The following KCNQ3 variants were observed in gnomAD, a reference collection of about 807,000 sequenced individuals.
KCNQ3 encodes the protein potassium voltage-gated channel subfamily KQT member 3.
KCNQ3 carries 30 observed loss-of-function variants against 92.5 expected under a neutral mutation model. The ratio of observed to expected loss-of-function variants is 0.32; its 90% CI spans 0.24 to 0.44. The LOEUF (loss-of-function observed/expected upper bound fraction) is 0.44, where lower values mean the gene tolerates loss of function less well. Among genes scored for constraint, KCNQ3 ranks in the 20% least tolerant of loss-of-function variants. The probability of loss-of-function intolerance (pLI) is 1.00; values close to 1 mark genes in which losing one functional copy is unlikely to be tolerated. For missense variants in KCNQ3, 913 were observed against 1,140.3 expected (o/e 0.80, Z 2.87); for synonymous variants, 450 against 468.8 (o/e 0.96, Z 0.52).
At chr8:132,190,958 G>A (rs1827136914) in intron 1 of KCNQ3, among the ~76,000 whole-genome samples, 1 of 152,160 alleles carries the variant, frequency 6.6e-6, no homozygotes, top group African/African-American at 2.4e-5. Context: ...GTATCTCAGT[G>A]AATAGCTCAA....
chr8:132,202,999 T>C (rs1225825968), intron 1 of KCNQ3, among the ~76,000 whole-genome samples: 1 of 152,156 alleles, frequency 6.6e-6, no homozygotes, highest in African/African-American at 2.4e-5. Flanking sequence ...TTTCTCAGAG[T>C]TCTGGAGGCT....
intron 1 of KCNQ3, chr8:132,187,127 A>G (rs1229246609): frequency 2.2e-6 from 1 of 455,436 alleles, no homozygotes; most frequent in African/African-American, 2.0e-5. Context: ...TTATGGGTGA[A>G]GCTTGGTAGT....
Position 132,436,128 on chromosome 8 carries a change from A to G in KCNQ3, c.386+44019T>C, listed in dbSNP as rs148841453. On this transcript the variant is annotated intron_variant, in intron 1 of 14. Transcript: ENST00000388996. Reference sequence around the variant, plus strand: ...ATGTAATATGCACTCTGTTGACATAATGCCAGATAAAACAACCTTTTTTGA... The same window carrying G: ...ATGTAATATGCACTCTGTTGACATAGTGCCAGATAAAACAACCTTTTTTGA... Among the ~76,000 whole-genome samples, 712 of 152,348 alleles carry G rather than the reference A, an allele frequency of 4.7e-3. 3 individuals are homozygous for G. Among genetic ancestry groups the G allele is most frequent in the Middle Eastern group, 0.034 (10 of 294 alleles).
At chr8:132,266,841 T>C (rs1412602729) in intron 1 of KCNQ3, among the ~76,000 whole-genome samples, 1 of 152,194 alleles carries the variant, frequency 6.6e-6, no homozygotes, top group Admixed American at 6.5e-5. Context: ...ACTTCTGTTC[T>C]AGGGCATGGC....
intron 1 of KCNQ3, among the ~76,000 whole-genome samples, chr8:132,368,658 A>C (rs948916152): frequency 2.0e-5 from 3 of 152,064 alleles, no homozygotes; most frequent in Non-Finnish European, 4.4e-5. Flanking sequence ...GTCTCAAAAA[A>C]AAAGAAAAGA....
intron 1 of KCNQ3, among the ~76,000 whole-genome samples, chr8:132,465,945 A>G (rs1822163267): frequency 6.6e-6 from 1 of 152,080 alleles, no homozygotes; most frequent in African/African-American, 2.4e-5. Context: ...AAAACAAACG[A>G]CAGGAATAAA....
intron 1 of KCNQ3, among the ~76,000 whole-genome samples, chr8:132,328,204 T>C (rs1452817705): frequency 6.6e-6 from 1 of 152,018 alleles, no homozygotes; most frequent in Admixed American, 6.5e-5. Context: ...GGGCTTCCCA[T>C]CAGCTGGCCC....
chr8:132,385,609 C>A (rs922587676), intron 1 of KCNQ3, among the ~76,000 whole-genome samples: 2 of 152,172 alleles, frequency 1.3e-5, no homozygotes, highest in Non-Finnish European at 2.9e-5. Context: ...CTCTCCTCCC[C>A]TGCTCTTCCC....
chr8:132,374,001 G>A (rs76973201), intron 1 of KCNQ3, among the ~76,000 whole-genome samples: 1,607 of 152,176 alleles, frequency 0.011, 29 homozygotes, highest in African/African-American at 0.036. Context: ...ATGTTCTCCC[G>A]GGTGCCATCA....
At chr8:132,265,774 C>T (rs757303901) in intron 1 of KCNQ3, among the ~76,000 whole-genome samples, 22 of 152,220 alleles carry the variant, frequency 1.4e-4, no homozygotes, top group Non-Finnish European at 2.6e-4. Flanking sequence ...GTCAATCTGT[C>T]TTAAATACCC....
At chr8:132,445,775 A>G (rs1821661431) in intron 1 of KCNQ3, among the ~76,000 whole-genome samples, 1 of 151,284 alleles carries the variant, frequency 6.6e-6, no homozygotes, top group Admixed American at 6.6e-5. Context: ...TCTCACAACT[A>G]CCCCATTTCA....
chr8:132,129,915 C>G lies in KCNQ3; in HGVS notation c.1966G>C (p.Glu656Gln). The G allele has an allele frequency of 1.2e-6, 2 of 1,614,122 alleles. No homozygotes were observed. The highest frequency in any genetic ancestry group is 1.7e-6 in the Non-Finnish European group (2 of 1,180,032). The change falls in exon 15 of 15, where the codon GAG becomes CAG. Residue 656 changes from glutamate (E) to glutamine (Q), a missense_variant. Transcript: ENST00000388996. The surrounding 1 kb of genome is among the most constrained non-coding windows in gnomAD (Gnocchi z 5.9). The part of the protein sequence containing the change: ...HMERLQVQVT[E>Q]YYPTKGTSSP... The stretch of plus-strand genomic sequence containing the variant: ...GAGGTGCCCTTGGTTGGGTAATACT[C>G]CGTGACCTGCACCTGCAACCGTTCC...
At chr8:132,274,996 G>A (rs896724885) in intron 1 of KCNQ3, among the ~76,000 whole-genome samples, 7 of 152,148 alleles carry the variant, frequency 4.6e-5, no homozygotes, top group Non-Finnish European at 7.4e-5. Context: ...CCATGCAGGA[G>A]GTCATCTACC....
chr8:132,280,005 T>C (rs1816464271), intron 1 of KCNQ3, among the ~76,000 whole-genome samples: 1 of 152,194 alleles, frequency 6.6e-6, no homozygotes, highest in African/African-American at 2.4e-5. Context: ...CAGCATAATT[T>C]ACTGAGAACT....
intron 1 of KCNQ3, among the ~76,000 whole-genome samples, chr8:132,235,273 G>A (rs900944381): frequency 6.6e-6 from 1 of 152,050 alleles, no homozygotes; most frequent in African/African-American, 2.4e-5. Flanking sequence ...CCAAGGGTGG[G>A]GGGGGAATCA....
chr8:132,333,269 G>A (rs1189748826), intron 1 of KCNQ3, among the ~76,000 whole-genome samples: 3 of 152,144 alleles, frequency 2.0e-5, no homozygotes, highest in East Asian at 3.8e-4. Context: ...CATGACTTCA[G>A]TGGTAAGAAA....
intron 1 of KCNQ3, among the ~76,000 whole-genome samples, chr8:132,470,412 G>A (rs1822271657): frequency 6.6e-6 from 1 of 152,124 alleles, no homozygotes; most frequent in East Asian, 1.9e-4. Context: ...TAATATGTTT[G>A]CCACATTTTC....
intron 1 of KCNQ3, among the ~76,000 whole-genome samples, chr8:132,334,993 TCTTC>T (rs68135959): frequency 0.44 from 66,097 of 149,444 alleles, 14,847 homozygotes; most frequent in Non-Finnish European, 0.49. Flanking sequence ...TAGACATTTT[TCTTC>T]CTTCCTTCCT....
At chr8:132,470,696 G>T (rs1404139421) in intron 1 of KCNQ3, among the ~76,000 whole-genome samples, 1 of 152,124 alleles carries the variant, frequency 6.6e-6, no homozygotes, top group Non-Finnish European at 1.5e-5. Context: ...CTTATATAAT[G>T]TCCCCTGTTA....
Sources: gnomAD v4.1 joint callset for allele counts (sites outside exome capture counted in the v4.1 genomes callset) on GRCh38, gnomAD v4.1.1 for gene constraint, Gnocchi (gnomAD v3.1) non-coding constraint, MANE v1.5 for transcripts, NCBI Gene and HGNC (gene_info 2026-07-23, HGNC 2026-07-21) for gene names.